Variants in PACRG observed in about 807,000 individuals in gnomAD.
PACRG encodes the protein parkin coregulated gene protein.
A neutral mutation model predicts 29.7 loss-of-function variants in PACRG; 29 were observed. The observed-to-expected ratio is 0.98, with a 90% CI of 0.73 to 1.33. The LOEUF (loss-of-function observed/expected upper bound fraction) is 1.33. Ranked by LOEUF, PACRG falls within the 40% of genes most tolerant of loss-of-function variation. The pLI is 0.00. For missense variants in PACRG, 279 were observed against 316.2 expected (o/e 0.88, Z 0.89); for synonymous variants, 116 against 118.7 (o/e 0.98, Z 0.15).
intron 2 of PACRG, among the ~76,000 whole-genome samples, chr6:163,022,197 A>T (rs1009499006): frequency 2.6e-5 from 4 of 152,194 alleles, no homozygotes; most frequent in Non-Finnish European, 5.9e-5. Context: ...TTTATTGAGC[A>T]CCTACTATGT....
At chr6:163,174,024 T>C (rs1779221957) in intron 4 of PACRG, among the ~76,000 whole-genome samples, 1 of 152,212 alleles carries the variant, frequency 6.6e-6, no homozygotes, top group Admixed American at 6.5e-5. Context: ...AGAAAATGCA[T>C]GCCTCAGAAA....
chr6:163,018,349 C>T (rs1000895360), intron 2 of PACRG, among the ~76,000 whole-genome samples: 3 of 152,136 alleles, frequency 2.0e-5, no homozygotes, highest in Admixed American at 6.5e-5. Context: ...TAACCTTCAC[C>T]ATCAATGCTT....
At chr6:163,126,982 C>A (rs1816542359) in intron 4 of PACRG, among the ~76,000 whole-genome samples, 1 of 152,194 alleles carries the variant, frequency 6.6e-6, no homozygotes, top group Non-Finnish European at 1.5e-5. Flanking sequence ...ATCTCTCACC[C>A]CAGCTCTTCA....
chr6:163,085,623 T>C (rs1236919192), intron 3 of PACRG, among the ~76,000 whole-genome samples: 1 of 152,186 alleles, frequency 6.6e-6, no homozygotes, highest in Non-Finnish European at 1.5e-5. Flanking sequence ...GCCCCTGCAG[T>C]GAAAGAACTC....
intron 4 of PACRG, among the ~76,000 whole-genome samples, chr6:163,179,065 T>C (rs920717886): frequency 6.6e-6 from 1 of 152,254 alleles, no homozygotes; most frequent in African/African-American, 2.4e-5. Context: ...AAGTCACTGA[T>C]ATTTACCACA....
chr6:163,202,708 C>G (rs564163484), intron 4 of PACRG, among the ~76,000 whole-genome samples: 39 of 152,158 alleles, frequency 2.6e-4, no homozygotes, highest in South Asian at 4.1e-4. Flanking sequence ...TCCTTGCTTG[C>G]AATTTATCTA....
intron 2 of PACRG, among the ~76,000 whole-genome samples, chr6:162,926,738 G>A (rs1478142910): frequency 6.6e-6 from 1 of 152,114 alleles, no homozygotes; most frequent in Non-Finnish European, 1.5e-5. Flanking sequence ...TCAGGACATA[G>A]GCATGATCAA....
chr6:162,765,391 C>A (rs1251148470), intron 1 of PACRG, among the ~76,000 whole-genome samples: 4 of 152,076 alleles, frequency 2.6e-5, no homozygotes, highest in Non-Finnish European at 5.9e-5. Context: ...TACCCCCTTT[C>A]CTCGCCCCCA....
At chr6:162,845,707 G>A (rs1790311528) in intron 2 of PACRG, among the ~76,000 whole-genome samples, 1 of 152,088 alleles carries the variant, frequency 6.6e-6, no homozygotes, top group Non-Finnish European at 1.5e-5. Context: ...TATATGATCT[G>A]CTTAGCTTCA....
intron 2 of PACRG, among the ~76,000 whole-genome samples, chr6:162,913,909 C>T (rs1796493607): frequency 6.6e-6 from 1 of 151,944 alleles, no homozygotes. Flanking sequence ...AATATTTTGT[C>T]CATTTTTATT....
At position 163,055,885 on chromosome 6, in the gene PACRG, C is replaced by A. The variant is rs1810545256; in HGVS notation, c.292-6265C>A. Among the ~76,000 whole-genome samples the A allele has an allele frequency of 2.0e-5, 3 of 152,158 alleles. No homozygotes were observed. The South Asian group carries it at 6.2e-4, about 32-fold the overall frequency. The stretch of plus-strand genomic sequence containing the variant: ...CAGCTCTTAAGCAGCCACTTTCTGT[C>A]TCTTGGATTTGTCTATTCCGAACGT... On this transcript the variant is annotated intron_variant, in intron 2 of 4. Transcript: ENST00000366888. The surrounding 1 kb of genome is among the most constrained non-coding windows in gnomAD (Gnocchi z 4.0).
At chr6:162,848,976 G>A (rs528127166) in intron 2 of PACRG, among the ~76,000 whole-genome samples, 1 of 152,296 alleles carries the variant, frequency 6.6e-6, no homozygotes, top group Admixed American at 6.5e-5. Context: ...AGGGGAAAGC[G>A]AGAGATTTGC....
At chr6:163,101,340 A>AG in intron 4 of PACRG, 1 of 980,972 alleles carries the variant, frequency 1.0e-6, no homozygotes, top group Non-Finnish European at 1.2e-6. Flanking sequence ...CCTGCATGCT[A>AG]GTTGGATATT....
At chr6:162,921,472 G>T (rs532757163) in intron 2 of PACRG, among the ~76,000 whole-genome samples, 2 of 152,240 alleles carry the variant, frequency 1.3e-5, no homozygotes, top group Admixed American at 6.5e-5. Flanking sequence ...ACCTCTGGGG[G>T]TGTTTTGCTT....
chr6:163,203,066 T>A (rs1780772185), intron 4 of PACRG, among the ~76,000 whole-genome samples: 1 of 152,090 alleles, frequency 6.6e-6, no homozygotes, highest in Non-Finnish European at 1.5e-5. Context: ...CCGTTCCTCA[T>A]CTTCCTGGCC....
At chr6:162,798,307 G>A (rs897687547) in intron 1 of PACRG, among the ~76,000 whole-genome samples, 2 of 152,068 alleles carry the variant, frequency 1.3e-5, no homozygotes, top group African/African-American at 4.8e-5. Context: ...GACTTTTACT[G>A]GGAGCCTTAT....
At chr6:163,198,815 G>C (rs1007876162) in intron 4 of PACRG, among the ~76,000 whole-genome samples, 2 of 152,202 alleles carry the variant, frequency 1.3e-5, no homozygotes, top group Admixed American at 1.3e-4. Context: ...GCCCAAGGCG[G>C]TTGGGGCACA....
intron 2 of PACRG, among the ~76,000 whole-genome samples, chr6:163,048,068 G>A (rs1036178726): frequency 6.6e-6 from 1 of 152,096 alleles, no homozygotes; most frequent in African/African-American, 2.4e-5. Flanking sequence ...TTTTTACAGA[G>A]CTTTTAATTG....
intron 2 of PACRG, among the ~76,000 whole-genome samples, chr6:162,860,222 CA>C (rs1791750732): frequency 1.3e-5 from 2 of 152,116 alleles, no homozygotes; most frequent in Non-Finnish European, 2.9e-5. Context: ...ATTCTTGTAA[CA>C]GGGGAAGAAG....
Sources: gnomAD v4.1 joint callset for allele counts (sites outside exome capture counted in the v4.1 genomes callset) on GRCh38, gnomAD v4.1.1 for gene constraint, Gnocchi (gnomAD v3.1) non-coding constraint, MANE v1.5 for transcripts, NCBI Gene and HGNC (gene_info 2026-07-23, HGNC 2026-07-21) for gene names.